The following PLEKHA5 variants were observed in gnomAD, a reference collection of about 807,000 sequenced individuals.
PLEKHA5 encodes pleckstrin homology domain containing A5.
PLEKHA5 carries 55 observed loss-of-function variants against 181.9 expected under a neutral mutation model. That is an observed-to-expected ratio of 0.30 (90% CI 0.24 to 0.38). PLEKHA5 has a LOEUF of 0.38. Among genes scored for constraint, PLEKHA5 ranks in the 10% least tolerant of loss-of-function variants. The pLI is 1.00. For synonymous variants in PLEKHA5, 535 were observed against 529.4 expected, an observed-to-expected ratio of 1.01 and a Z score of -0.15; for missense variants, 1,432 against 1,549.5, an observed-to-expected ratio of 0.92 and a Z score of 1.27.
intron 18 of PLEKHA5, among the ~76,000 whole-genome samples, chr12:19,321,360 C>CTT (rs1158507411): frequency 2.1e-3 from 52 of 24,200 alleles, no homozygotes; most frequent in African/African-American, 4.4e-3. Flanking sequence ...CTTTTCTTTT[C>CTT]TTTTTTTTTT....
intron 3 of PLEKHA5, among the ~76,000 whole-genome samples, chr12:19,192,130 G>T (rs891258279): frequency 1.3e-5 from 2 of 151,892 alleles, no homozygotes; most frequent in African/African-American, 4.8e-5. Context: ...AAAAATTTTA[G>T]TATTTTTATT....
chr12:19,322,789 T>A, intron 20 of PLEKHA5, 122 bp downstream of exon 20: 1 of 630,960 alleles, frequency 1.6e-6, no homozygotes, highest in Non-Finnish European at 2.7e-6. Context: ...CAGAAAATAT[T>A]AATTTGTTAT....
intron 3 of PLEKHA5, among the ~76,000 whole-genome samples, chr12:19,232,037 A>C (rs2060707808): frequency 6.6e-6 from 1 of 152,124 alleles, no homozygotes. Flanking sequence ...AAACAAGGAC[A>C]CGGGGAAGAA....
chr12:19,340,752 CAGCATGCTCGTTA>C (rs1003968944), intron 21 of PLEKHA5, among the ~76,000 whole-genome samples: 1 of 147,508 alleles, frequency 6.8e-6, no homozygotes, highest in African/African-American at 2.5e-5. Flanking sequence ...TGCTTGAAGG[CAGCATGCTCGTTA>C]AGAGTCATCA....
At chr12:19,327,273 AT>A (rs1405002396) in intron 20 of PLEKHA5, among the ~76,000 whole-genome samples, 1 of 137,886 alleles carries the variant, frequency 7.3e-6, no homozygotes, top group Non-Finnish European at 1.6e-5. Context: ...TTACTTTTTA[AT>A]AGTAGCCATT....
At chr12:19,306,491 C>G in intron 15 of PLEKHA5, 2 of 700,696 alleles carry the variant, frequency 2.9e-6, no homozygotes, top group Admixed American at 1.9e-5. Context: ...CTTCCCCCTC[C>G]TTGCTGTGTG....
chr12:19,322,720 A>G (rs1238496226), intron 20 of PLEKHA5, 53 bp downstream of exon 20: 4 of 1,278,366 alleles, frequency 3.1e-6, no homozygotes, highest in Non-Finnish European at 3.3e-6. Context: ...ATGTAGTTCT[A>G]TTTTCTTCTC....
At chr12:19,231,614 A>ATATTTATATATG (rs2060626249) in intron 3 of PLEKHA5, among the ~76,000 whole-genome samples, 1 of 147,350 alleles carries the variant, frequency 6.8e-6, no homozygotes, top group Non-Finnish European at 1.5e-5. Context: ...ATATATATAA[A>ATATTTATATATG]TACTCATAAA....
chr12:19,280,011 C>CACTT, intron 11 of PLEKHA5, among the ~76,000 whole-genome samples: 1 of 146,014 alleles, frequency 6.8e-6, no homozygotes, highest in East Asian at 2.0e-4. Context: ...GTCCAGAATG[C>CACTT]ACTTAATTCA....
chr12:19,352,857 C>A (rs374568056), intron 25 of PLEKHA5, among the ~76,000 whole-genome samples: 2 of 151,438 alleles, frequency 1.3e-5, no homozygotes, highest in African/African-American at 4.8e-5. Flanking sequence ...TGCAGTGGTG[C>A]GATCTCAACT....
chr12:19,199,343 ATC>A (rs1424591838), intron 3 of PLEKHA5, among the ~76,000 whole-genome samples: 4 of 152,190 alleles, frequency 2.6e-5, no homozygotes, highest in African/African-American at 7.2e-5. Flanking sequence ...ATAAATAAAA[ATC>A]TTTTATCAAC....
chr12:19,335,472 A>G (rs2093345691), intron 20 of PLEKHA5, among the ~76,000 whole-genome samples: 1 of 149,628 alleles, frequency 6.7e-6, no homozygotes, highest in South Asian at 2.1e-4. Context: ...GTGGAGTGCA[A>G]TGGTGCAATC....
chr12:19,216,095 T>C (rs1443164557), intron 3 of PLEKHA5, among the ~76,000 whole-genome samples: 2 of 152,180 alleles, frequency 1.3e-5, no homozygotes, highest in South Asian at 2.1e-4. Context: ...AAGGGAAATA[T>C]AAGTTACCAT....
intron 15 of PLEKHA5, among the ~76,000 whole-genome samples, chr12:19,302,027 CT>C (rs958748338): frequency 6.6e-6 from 1 of 152,122 alleles, no homozygotes; most frequent in African/African-American, 2.4e-5. Context: ...AATTCTTTAG[CT>C]TTTTAGTTTT....
At chr12:19,253,338 A>G (rs372047929) in intron 3 of PLEKHA5, among the ~76,000 whole-genome samples, 2 of 151,382 alleles carry the variant, frequency 1.3e-5, no homozygotes, top group South Asian at 2.1e-4. Context: ...GCGCTCCAAA[A>G]TGCTGGGATT....
At chr12:19,285,726 T>C (rs1432549211) in intron 12 of PLEKHA5, among the ~76,000 whole-genome samples, 1 of 152,164 alleles carries the variant, frequency 6.6e-6, no homozygotes, top group Non-Finnish European at 1.5e-5. Flanking sequence ...AAGTATCAGG[T>C]TCACTTATAA....
At chr12:19,292,747 C>T (rs768842890) in intron 15 of PLEKHA5, among the ~76,000 whole-genome samples, 1 of 151,996 alleles carries the variant, frequency 6.6e-6, no homozygotes, top group South Asian at 2.1e-4. Context: ...GAGACCAGCC[C>T]AGCCAACGTG....
intron 15 of PLEKHA5, among the ~76,000 whole-genome samples, chr12:19,308,008 A>G (rs1473748921): frequency 6.6e-6 from 1 of 152,174 alleles, no homozygotes; most frequent in Admixed American, 6.5e-5. Context: ...GATAGGGAAA[A>G]GGACCAGGAA....
intron 3 of PLEKHA5, among the ~76,000 whole-genome samples, chr12:19,156,110 G>A (rs888952809): frequency 4.6e-5 from 7 of 151,986 alleles, no homozygotes; most frequent in African/African-American, 9.7e-5. Flanking sequence ...CAGTTATCGC[G>A]CAAAGTTCTT....
Sources: gnomAD v4.1 joint callset for allele counts (sites outside exome capture counted in the v4.1 genomes callset) on GRCh38, gnomAD v4.1.1 for gene constraint, MANE v1.5 for transcripts, NCBI Gene and HGNC (gene_info 2026-07-23, HGNC 2026-07-21) for gene names.